Variants in SPRING1 observed in about 807,000 individuals in gnomAD.
SPRING1 encodes the protein SREBF pathway regulator in golgi 1, also known as SREBP regulating gene protein.
In SPRING1, 14 loss-of-function variants were observed where a neutral mutation model predicts 24.7. That is an observed-to-expected ratio of 0.57 (90% confidence interval 0.37 to 0.88). SPRING1 has a LOEUF of 0.88. SPRING1 is among the 40% of genes least tolerant of loss of function. The pLI, the probability that SPRING1 is intolerant of heterozygous loss-of-function variation, is 0.00. For missense variants in SPRING1, 255 were observed against 268.4 expected (o/e 0.95, Z 0.35); for synonymous variants, 93 against 106.1 (o/e 0.88, Z 0.76).
chr12:116,715,458 A>G lies in SPRING1; in HGVS notation c.*2352T>C, dbSNP rs339460. 0.5 allele frequency: 76,697 copies of G among 151,946 alleles called. 20,204 individuals are homozygous for G. The highest frequency in any genetic ancestry group is 0.66 in the African/African-American group (27,346 of 41,422). The allele number at this position is 151,946 out of a possible 1,614,324, so 9.4% of individuals were successfully genotyped here. ...GCACGTGCCAGGTGCTCTGCAGCCC[A>G]GCTTCATTATGGAGGCTCAAGCGCT... On this transcript the variant is annotated 3_prime_UTR_variant, in exon 5 of 5. Transcript: ENST00000261318.
intron 1 of SPRING1, among the ~76,000 whole-genome samples, chr12:116,734,063 G>T (rs762942215): frequency 6.6e-5 from 10 of 152,166 alleles, no homozygotes; most frequent in Non-Finnish European, 1.5e-4. Context: ...TTTTAGTAGA[G>T]ATGGGGTTTT....
Position 116,724,273 on chromosome 12 carries a change from G to C in SPRING1, c.112-1050C>G, listed in dbSNP as rs928573189. Among the ~76,000 whole-genome samples, 3 of 152,146 alleles carry C rather than the reference G, an allele frequency of 2.0e-5. No individual in the cohort carries two copies. The South Asian group carries it at 6.2e-4, about 31-fold the overall frequency. On this transcript the variant is annotated intron_variant, in intron 1 of 4. Coordinates refer to ENST00000261318, the MANE Select transcript of SPRING1 (RefSeq NM_024738.4). ...CTTTATCGTTACTAAAATTTATCTA[G>C]GAAAGTAATCTAGGAAGTTCTGTTC...
rs918884948 is a variant in SPRING1, at chr12:116,714,551, T to C, written c.*3259A>G. ...GCTCACGCCTGTAATCCCAGCACTT[T>C]CGGAGGCTCAGGCGGGCAGATCATC... On this transcript the variant is annotated 3_prime_UTR_variant, in exon 5 of 5. Coordinates refer to ENST00000261318, the MANE Select transcript of SPRING1 (RefSeq NM_024738.4). The C allele has an allele frequency of 6.6e-6, 1 of 152,306 alleles. No individual in the cohort carries two copies. The highest frequency in any genetic ancestry group is 2.4e-5 in the African/African-American group (1 of 41,438). 9.4% of individuals were successfully genotyped at this position (152,306 alleles called of 1,614,324 possible). A position where few individuals can be genotyped will look rare whatever the true frequency, so the allele number is the denominator to read the frequency against.
rs774225642 is a variant in SPRING1 at position 116,717,852 on chromosome 12, C to A, written c.576G>T (p.Lys192Asn). The change falls in exon 5 of 5, where the codon AAG (lysine) becomes AAT (asparagine). Residue 192 changes from lysine to asparagine, a missense_variant. Coordinates refer to ENST00000261318, the MANE Select transcript of SPRING1 (RefSeq NM_024738.4). This position sits in a 1 kb window ranked among gnomAD's most constrained non-coding sequence, Gnocchi z 4.2. ...CGGGCGGGCTTTCTCCATAGCAATA[C>A]TTTGCTATGGGGTCCCGGTAGGTGT... ...HENTYRDPIAKYCYGESPPEL... is the reference protein window; with the variant it reads ...HENTYRDPIANYCYGESPPEL... 1 of 1,608,726 alleles carries A rather than the reference C, an allele frequency of 6.2e-7. No individual in the cohort carries two copies. Among genetic ancestry groups the A allele is most frequent in the South Asian group, 1.1e-5 (1 of 90,250 alleles).
Position 116,717,822 on chromosome 12 carries a change from G to T in SPRING1, c.606C>A (p.Leu202=), listed in dbSNP as rs1160156243. The T allele has an allele frequency of 4.4e-6, 7 of 1,599,784 alleles. No individual in the cohort carries two copies. Among genetic ancestry groups the T allele is most frequent in the Non-Finnish European group, 6.0e-6 (7 of 1,174,160 alleles). The change falls in exon 5 of 5, where the codon CTC becomes CTA. Residue 202 remains leucine (L), a synonymous_variant. Transcript: ENST00000261318. This position sits in a 1 kb window ranked among gnomAD's most constrained non-coding sequence, Gnocchi z 4.2. ...TCCGCTGCACCCGTCAAGCGGGGAAGAGCTCGGGCGGGCTTTCTCCATAGC... is the reference window on the plus strand; with the variant it reads ...TCCGCTGCACCCGTCAAGCGGGGAATAGCTCGGGCGGGCTTTCTCCATAGC... ...KYCYGESPPE[L]FPA
chr12:116,727,394 A>G (rs557291369), intron 1 of SPRING1, among the ~76,000 whole-genome samples: 4 of 152,380 alleles, frequency 2.6e-5, no homozygotes, highest in African/African-American at 9.6e-5. Flanking sequence ...TCCTAATTGT[A>G]AAGAGCTACA....
intron 1 of SPRING1, among the ~76,000 whole-genome samples, chr12:116,735,491 G>A (rs1162494572): frequency 6.6e-6 from 1 of 152,130 alleles, no homozygotes; most frequent in Non-Finnish European, 1.5e-5. Context: ...CAGCACTTTG[G>A]GAGGCCGAGG....
intron 1 of SPRING1, among the ~76,000 whole-genome samples, chr12:116,733,778 T>G (rs1449079836): frequency 6.6e-6 from 1 of 152,220 alleles, no homozygotes; most frequent in Non-Finnish European, 1.5e-5. Context: ...GTGCTAGGCC[T>G]TCACGAGTTC....
intron 1 of SPRING1, among the ~76,000 whole-genome samples, chr12:116,725,981 A>G (rs1387470064): frequency 6.6e-6 from 1 of 152,232 alleles, no homozygotes; most frequent in African/African-American, 2.4e-5. Flanking sequence ...ATTGTCCATA[A>G]TCCCATCAAC....
In SPRING1 at chr12:116,710,632, G is replaced by C. The variant is rs943668308; in HGVS notation, c.*7178C>G. ...GTTGGTCCCAGCAGAGAAGGATATGGTGTCTCTTTAAAACTGGAGGAGGAA... is the reference window on the plus strand; with the variant it reads ...GTTGGTCCCAGCAGAGAAGGATATGCTGTCTCTTTAAAACTGGAGGAGGAA... On this transcript the variant is annotated 3_prime_UTR_variant, in exon 5 of 5. Transcript: ENST00000261318. The C allele has an allele frequency of 5.3e-5, 8 of 152,328 alleles. No homozygotes were observed. Among genetic ancestry groups the C allele is most frequent in the African/African-American group, 1.9e-4 (8 of 41,556 alleles). 9.4% of individuals were successfully genotyped at this position (152,328 alleles called of 1,614,324 possible).
chr12:116,737,708 C>T, intron 1 of SPRING1, 82 bp downstream of exon 1: 1 of 1,338,746 alleles, frequency 7.5e-7, no homozygotes, highest in Non-Finnish European at 9.7e-7. Context: ...AGGAAGGTAA[C>T]GAAGGAAGGA....
In SPRING1 at chr12:116,717,857, C is replaced by CTA; in HGVS notation, c.569_570dup (p.Ala191Ter). ...GGGCTTTCTCCATAGCAATACTTTGCTATGGGGTCCCGGTAGGTGTTCTCA... is the reference window on the plus strand; with the variant it reads ...GGGCTTTCTCCATAGCAATACTTTGCTATATGGGGTCCCGGTAGGTGTTCTCA... On this transcript the variant is annotated frameshift_variant, in exon 5 of 5. Transcript: ENST00000261318. LOFTEE classifies it high-confidence loss of function. The surrounding 1 kb of genome is among the most constrained non-coding windows in gnomAD (Gnocchi z 4.2). The CTA allele has an allele frequency of 6.2e-7, 1 of 1,608,616 alleles. No homozygotes were observed. Among genetic ancestry groups the CTA allele is most frequent in the Non-Finnish European group, 8.5e-7 (1 of 1,177,332 alleles).
chr12:116,728,451 C>G lies in SPRING1; in HGVS notation c.112-5228G>C, dbSNP rs1237907599. ...CTGGTACCATTCACCATTCCCAACC[C>G]TCCCCTCAATGGCATCCCCACCATC... On this transcript the variant is annotated intron_variant, in intron 1 of 4. Transcript: ENST00000261318. The surrounding 1 kb of genome is among the most constrained non-coding windows in gnomAD (Gnocchi z 4.2). Among the ~76,000 whole-genome samples, 4 of 152,148 alleles carry G rather than the reference C, an allele frequency of 2.6e-5. No homozygotes were observed. The highest frequency in any genetic ancestry group is 5.9e-5 in the Non-Finnish European group (4 of 68,032).
chr12:116,710,224 C>A lies in SPRING1; in HGVS notation c.*7586G>T, dbSNP rs1361501375. ...TCCTACCTTTATTTACATACAAATA[C>A]AAAATCCACGTTTATATACAAAATA... On this transcript the variant is annotated 3_prime_UTR_variant, in exon 5 of 5. Coordinates refer to ENST00000261318, the MANE Select transcript of SPRING1 (RefSeq NM_024738.4). The A allele has an allele frequency of 2.0e-5, 3 of 152,276 alleles. No individual in the cohort carries two copies. The East Asian group carries it at 5.8e-4, about 29-fold the overall frequency. The allele number at this position is 152,276 out of a possible 1,614,324, so 9.4% of individuals were successfully genotyped here.
At position 116,711,167 on chromosome 12, in the gene SPRING1, T is replaced by G. The variant is rs1335165299; in HGVS notation, c.*6643A>C. Reference sequence around the variant, plus strand: ...ACATTTCTATCTTGACATCCCCCAGTACAACTTAATACAATGCCCCAATCC... The same window carrying G: ...ACATTTCTATCTTGACATCCCCCAGGACAACTTAATACAATGCCCCAATCC... On this transcript the variant is annotated 3_prime_UTR_variant, in exon 5 of 5. Coordinates refer to ENST00000261318, the MANE Select transcript of SPRING1 (RefSeq NM_024738.4). 1 of 152,188 alleles carries G rather than the reference T, an allele frequency of 6.6e-6. No individual in the cohort carries two copies. The highest frequency in any genetic ancestry group is 1.5e-5 in the Non-Finnish European group (1 of 68,052). The allele number at this position is 152,188 out of a possible 1,614,324, so 9.4% of individuals were successfully genotyped here. A position where few individuals can be genotyped will look rare whatever the true frequency, so the allele number is the denominator to read the frequency against.
chr12:116,729,540 T>A (rs1870872140), intron 1 of SPRING1, among the ~76,000 whole-genome samples: 1 of 152,256 alleles, frequency 6.6e-6, no homozygotes, highest in African/African-American at 2.4e-5. Context: ...GCAACAGCGT[T>A]ATTCATAATA....
In SPRING1 at chr12:116,723,134, A is replaced by G. The variant is rs772156550; in HGVS notation, c.201T>C (p.Asn67=). 1.2e-6 allele frequency: 2 copies of G among 1,613,386 alleles called. No homozygotes were observed. The highest frequency in any genetic ancestry group is 1.1e-5 in the South Asian group (1 of 91,036). ...IPWKVQFNLG[N]SSRPSNQCRN... ...GGCACTGATTGCTCGGACGACTGCT[A>G]TTGCCCAAGTTAAACTGCACTTTCC... The change falls in exon 2 of 5, where the codon AAT becomes AAC. Residue 67 remains asparagine, a synonymous_variant. Transcript: ENST00000261318.
At chr12:116,735,505 G>A (rs1312414492) in intron 1 of SPRING1, among the ~76,000 whole-genome samples, 1 of 152,214 alleles carries the variant, frequency 6.6e-6, no homozygotes, top group East Asian at 1.9e-4. Context: ...GCCGAGGCAG[G>A]TGGATCACTT....
rs1234400699 is a variant in SPRING1, at chr12:116,720,819, CAA to C, written c.269-374_269-373del. 6.6e-6 allele frequency among the ~76,000 whole-genome samples: 1 copy of C among 152,032 alleles called. No homozygotes were observed. Among genetic ancestry groups the C allele is most frequent in the African/African-American group, 2.4e-5 (1 of 41,392 alleles). Reference sequence around the variant, plus strand: ...AAGAAAAATGTCATTCTTTTTTGAACAAAAAGTTTAAAACAGAAAAAAACCGA... The same window carrying C: ...AAGAAAAATGTCATTCTTTTTTGAACAAAGTTTAAAACAGAAAAAAACCGA... On this transcript the variant is annotated intron_variant, in intron 2 of 4. Coordinates refer to ENST00000261318, the MANE Select transcript of SPRING1 (RefSeq NM_024738.4). This position sits in a 1 kb window ranked among gnomAD's most constrained non-coding sequence, Gnocchi z 4.0.
Sources: gnomAD v4.1 joint callset for allele counts (sites outside exome capture counted in the v4.1 genomes callset) on GRCh38, gnomAD v4.1.1 for gene constraint, Gnocchi (gnomAD v3.1) non-coding constraint, MANE v1.5 for transcripts, NCBI Gene and HGNC (gene_info 2026-07-23, HGNC 2026-07-21) for gene names.